The following PRKG1 variants were observed in gnomAD, a reference collection of about 807,000 sequenced individuals.
The protein encoded by PRKG1 is cGMP-dependent protein kinase 1.
In PRKG1, 35 loss-of-function variants were observed where a neutral mutation model predicts 88.1. The observed-to-expected ratio is 0.40, with a 90% CI of 0.30 to 0.53. PRKG1 has a LOEUF of 0.53. PRKG1 is among the 20% of genes least tolerant of loss of function. The probability of loss-of-function intolerance (pLI) is 0.59; values close to 1 mark genes in which losing one functional copy is unlikely to be tolerated. For missense variants in PRKG1, 540 were observed against 839.8 expected (o/e 0.64, Z 4.41); for synonymous variants, 303 against 292.5 (o/e 1.04, Z -0.37).
At chr10:51,556,459 GAT>G (rs1564548541) in intron 3 of PRKG1, among the ~76,000 whole-genome samples, 1 of 151,584 alleles carries the variant, frequency 6.6e-6, no homozygotes, top group East Asian at 1.9e-4. Flanking sequence ...CACTAGTCAC[GAT>G]AGCAAAGACA....
chr10:52,128,381 C>T (rs1317383913), intron 7 of PRKG1: 6 of 985,194 alleles, frequency 6.1e-6, no homozygotes, highest in African/African-American at 1.7e-5. Context: ...TATCAATGAA[C>T]GCTAGAGTTC....
At position 51,954,206 on chromosome 10, in the gene PRKG1, T is replaced by G. The variant is rs73339205; in HGVS notation, c.762+46636T>G. Among the ~76,000 whole-genome samples the G allele has an allele frequency of 4.4e-3, 674 of 152,246 alleles. 4 individuals carry two copies. The highest frequency in any genetic ancestry group is 0.016 in the African/African-American group (656 of 41,546). On this transcript the variant is annotated intron_variant, in intron 5 of 17. Transcript: ENST00000373980. ...TTAGAAAATGTTTTTGAAATGACAA[T>G]TATGTAATAATCCATTGAAAATAAT...
chr10:52,289,011 A>C lies in PRKG1; in HGVS notation c.1895+18A>C, dbSNP rs989880924. The C allele has an allele frequency of 6.3e-6, 10 of 1,597,026 alleles. No individual in the cohort carries two copies. Among genetic ancestry groups the C allele is most frequent in the Non-Finnish European group, 7.7e-6 (9 of 1,167,686 alleles). On this transcript the variant is annotated intron_variant, in intron 16 of 17. Coordinates refer to ENST00000373980, the MANE Select transcript of PRKG1 (RefSeq NM_006258.4). ...AAGCACAAGTAAGTGTTCTTTCTGC[A>C]GAGTTCTGAACACGTGACATCATTT...
intron 4 of PRKG1, among the ~76,000 whole-genome samples, chr10:51,859,956 T>C (rs886113764): frequency 6.6e-6 from 1 of 152,182 alleles, no homozygotes; most frequent in African/African-American, 2.4e-5. Context: ...CAAATACTAA[T>C]CATATATAGT....
chr10:51,690,645 G>T (rs1038143117), intron 3 of PRKG1, among the ~76,000 whole-genome samples: 1 of 151,932 alleles, frequency 6.6e-6, no homozygotes, highest in South Asian at 2.1e-4. Context: ...AAAGAATTTT[G>T]GGCCGGGCGC....
At chr10:51,273,186 G>T (rs191604713) in intron 2 of PRKG1, among the ~76,000 whole-genome samples, 4 of 152,042 alleles carry the variant, frequency 2.6e-5, no homozygotes, top group Non-Finnish European at 4.4e-5. Flanking sequence ...CTTTCTTCCT[G>T]CAGAACAGCC....
At chr10:51,365,869 T>C (rs1281881578) in intron 2 of PRKG1, among the ~76,000 whole-genome samples, 1 of 151,868 alleles carries the variant, frequency 6.6e-6, no homozygotes, top group Non-Finnish European at 1.5e-5. Flanking sequence ...ATTTCCAAGC[T>C]GCATAGCTTT....
At chr10:51,486,167 C>A (rs1277013022) in intron 3 of PRKG1, among the ~76,000 whole-genome samples, 1 of 152,064 alleles carries the variant, frequency 6.6e-6, no homozygotes, top group Non-Finnish European at 1.5e-5. Context: ...AGGCACTATA[C>A]TTTACAGTAG....
intron 3 of PRKG1, among the ~76,000 whole-genome samples, chr10:51,700,292 A>C (rs2132412506): frequency 6.6e-6 from 1 of 152,360 alleles, no homozygotes; most frequent in East Asian, 1.9e-4. Context: ...GCACACGGGC[A>C]GCCGTCGTGC....
chr10:51,221,019 G>C (rs1374829833), intron 2 of PRKG1, among the ~76,000 whole-genome samples: 1 of 151,912 alleles, frequency 6.6e-6, no homozygotes, highest in Non-Finnish European at 1.5e-5. Context: ...TCAGCACTGG[G>C]TTATTGTTTA....
chr10:51,599,833 A>G (rs1035506190), intron 3 of PRKG1, among the ~76,000 whole-genome samples: 1 of 152,130 alleles, frequency 6.6e-6, no homozygotes, highest in Admixed American at 6.5e-5. Flanking sequence ...CTGCTTTTTA[A>G]AAAGTTGGGG....
chr10:51,554,421 C>CGTGT (rs58710266), intron 3 of PRKG1, among the ~76,000 whole-genome samples: 10 of 143,340 alleles, frequency 7.0e-5, no homozygotes, highest in South Asian at 4.3e-4. Flanking sequence ...GTATATTTAT[C>CGTGT]GTGTGTGTGT....
intron 2 of PRKG1, among the ~76,000 whole-genome samples, chr10:51,329,760 TTAAG>T (rs1204173295): frequency 1.3e-5 from 2 of 152,098 alleles, no homozygotes; most frequent in Non-Finnish European, 2.9e-5. Context: ...TTTTAACAAT[TTAAG>T]TATGCCATCC....
intron 7 of PRKG1, among the ~76,000 whole-genome samples, chr10:52,129,498 A>T (rs1288809893): frequency 2.6e-5 from 4 of 152,196 alleles, no homozygotes; most frequent in Non-Finnish European, 4.4e-5. Flanking sequence ...ATACTAAATC[A>T]GATAGTATTT....
At chr10:51,569,991 G>A (rs1481371606) in intron 3 of PRKG1, among the ~76,000 whole-genome samples, 1 of 148,686 alleles carries the variant, frequency 6.7e-6, no homozygotes, top group Non-Finnish European at 1.5e-5. Flanking sequence ...GATTAATTTA[G>A]ATCTGACGAT....
At chr10:51,907,615 T>A in intron 5 of PRKG1, 45 bp downstream of exon 5, 3 of 1,512,880 alleles carry the variant, frequency 2.0e-6, no homozygotes, top group Non-Finnish European at 2.8e-6. Context: ...GGATCCAGCC[T>A]GCTTGGCTGG....
intron 9 of PRKG1, among the ~76,000 whole-genome samples, chr10:52,224,585 C>T (rs1840333933): frequency 4.8e-5 from 1 of 20,686 alleles, no homozygotes; most frequent in African/African-American, 1.3e-4. Context: ...TGTAGTCTAT[C>T]CTTCGCCCCA....
At position 52,271,360 on chromosome 10, in the gene PRKG1, A is replaced by G; in HGVS notation, c.1184A>G (p.Lys395Arg). The G allele has an allele frequency of 6.2e-7, 1 of 1,612,410 alleles. No individual in the cohort carries two copies. The highest frequency in any genetic ancestry group is 8.5e-7 in the Non-Finnish European group (1 of 1,178,974). ...CTCTCTTTCTTTAAGGTCCAGTTGA[A>G]AAGTGAAGAATCCAAAACGTTTGCA... is the stretch of plus-strand genomic sequence containing the variant. ...GFGRVELVQL[K>R]SEESKTFAMK... Residue 395 changes from lysine (K) to arginine (R), a missense_variant, in exon 11 of 18, where the codon AAA (lysine) becomes AGA (arginine). Physicochemically the swap from Lys to Arg is conservative, Grantham distance 26. Around this residue, in one of 5 missense-constraint regions of PRKG1, gnomAD observed 400 missense variants for 562.7 expected, o/e 0.71. Transcript: ENST00000373980.
rs1270451966 is a variant in PRKG1, at chr10:52,054,488, A to G, written c.767A>G (p.His256Arg). The change falls in exon 6 of 18, where the codon CAC (histidine) becomes CGC (arginine). Residue 256 changes from histidine (H) to arginine (R), a missense_variant. By Grantham distance (29) the His-to-Arg change is conservative. This residue lies in a region of PRKG1 where 400 missense variants were observed against 562.7 expected (regional missense o/e 0.71). Coordinates refer to ENST00000373980, the MANE Select transcript of PRKG1 (RefSeq NM_006258.4). ...SKLADVLEET[H>R]YENGEYIIRQ... ...CTTATTGTTTCTACTTTTCAGACCC[A>G]CTATGAAAATGGAGAATATATTATC... 6.2e-7 allele frequency: 1 copy of G among 1,612,548 alleles called. No individual in the cohort carries two copies. Among genetic ancestry groups the G allele is most frequent in the Admixed American group, 1.7e-5 (1 of 59,960 alleles).
Sources: gnomAD v4.1 joint callset for allele counts (sites outside exome capture counted in the v4.1 genomes callset) on GRCh38, gnomAD v4.1.1 for gene constraint, gnomAD v4.1.1 regional missense constraint, MANE v1.5 for transcripts, NCBI Gene and HGNC (gene_info 2026-07-23, HGNC 2026-07-21) for gene names.